The following TENM2 variants were observed in gnomAD, a reference collection of about 807,000 sequenced individuals.
The protein encoded by TENM2 is teneurin-2.
Under a neutral mutation model 245.2 loss-of-function variants are expected in TENM2, and 52 were observed. The ratio of observed to expected loss-of-function variants is 0.21; its 90% CI spans 0.17 to 0.27. The LOEUF (loss-of-function observed/expected upper bound fraction) is 0.27, where lower values mean the gene tolerates loss of function less well. Among genes scored for constraint, TENM2 ranks in the 10% least tolerant of loss-of-function variants. The pLI, the probability that TENM2 is intolerant of heterozygous loss-of-function variation, is 1.00. For synonymous variants in TENM2, 1,363 were observed against 1,438.9 expected (o/e 0.95, Z 1.19); for missense variants, 3,046 against 3,666.8 (o/e 0.83, Z 4.37).
chr5:167,319,848 T>G lies in TENM2; in HGVS notation c.226+34785T>G, dbSNP rs566570809. The stretch of plus-strand genomic sequence containing the variant: ...TGGCTGGAATCAAGGGACCAGTTAG[T>G]ATGTATGATATAACCAGTTGTAATA... On this transcript the variant is annotated intron_variant, in intron 1 of 28. Transcript: ENST00000518659. 8.5e-5 allele frequency among the ~76,000 whole-genome samples: 13 copies of G among 152,322 alleles called. No homozygotes were observed. The East Asian group carries it at 2.5e-3, about 29-fold the overall frequency.
At position 168,191,800 on chromosome 5, in the gene TENM2, G is replaced by A. The variant is rs139157067; in HGVS notation, c.2780+1253G>A. On this transcript the variant is annotated intron_variant, in intron 14 of 28. Coordinates refer to ENST00000518659, the Ensembl canonical transcript of TENM2. ...GAGCCCCTCTCATGAGCCTTTCATC[G>A]GTCCCCAACCGAGACAGCCCAGCGA... Among the ~76,000 whole-genome samples, 18 of 151,942 alleles carry A rather than the reference G, an allele frequency of 1.2e-4. No individual in the cohort carries two copies. In the East Asian group the frequency reaches 3.1e-3, roughly 26 times the overall value.
At chr5:167,659,732 A>G (rs1260645651) in intron 2 of TENM2, among the ~76,000 whole-genome samples, 1 of 151,616 alleles carries the variant, frequency 6.6e-6, no homozygotes, top group African/African-American at 2.4e-5. Flanking sequence ...GATCACAGGG[A>G]AAAAAAAATC....
In TENM2 at chr5:167,497,827, G is replaced by A. The variant is rs560806196; in HGVS notation, c.502+122354G>A. ...TAGTAATTAAATGTTTCCGAATGCC[G>A]GTTGTCCCCTCCGAGAATGAACGTG... On this transcript the variant is annotated intron_variant, in intron 2 of 28. Coordinates refer to ENST00000518659, the Ensembl canonical transcript of TENM2. Among the ~76,000 whole-genome samples, 4 of 151,972 alleles carry A rather than the reference G, an allele frequency of 2.6e-5. No homozygotes were observed. In the South Asian group the frequency reaches 8.3e-4, roughly 32 times the overall value.
intron 3 of TENM2, among the ~76,000 whole-genome samples, chr5:167,922,838 A>G (rs1777472301): frequency 6.6e-6 from 1 of 152,130 alleles, no homozygotes; most frequent in African/African-American, 2.4e-5. Flanking sequence ...ATCCATCAGC[A>G]TTTGTCTTCC....
At chr5:167,929,069 GAAAGAAA>G (rs1561945633) in intron 3 of TENM2, among the ~76,000 whole-genome samples, 8 of 18,834 alleles carry the variant, frequency 4.2e-4, no homozygotes, top group Non-Finnish European at 5.7e-4. Flanking sequence ...GAGAAAGAAA[GAAAGAAA>G]GAAAGAAAGA....
intron 8 of TENM2, among the ~76,000 whole-genome samples, chr5:168,097,605 T>C (rs201181009): frequency 2.0e-3 from 10 of 4,998 alleles, no homozygotes; most frequent in Admixed American, 4.2e-3. Flanking sequence ...TGTGTGTGCG[T>C]GTGTGTGTGT....
chr5:167,271,724 C>A, the TENM2 span, among the ~76,000 whole-genome samples: 63 of 152,200 alleles, frequency 4.1e-4, no homozygotes, highest in African/African-American at 1.4e-3. Context: ...GCTCCAGGGA[C>A]CTTAACAGAT....
chr5:167,171,852 C>T, the TENM2 span, among the ~76,000 whole-genome samples: 1 of 152,156 alleles, frequency 6.6e-6, no homozygotes, highest in African/African-American at 2.4e-5. Flanking sequence ...CTCAGGTTAG[C>T]TTCCGGCCAC....
intron 2 of TENM2, among the ~76,000 whole-genome samples, chr5:167,400,312 A>G (rs984450534): frequency 6.6e-6 from 1 of 152,020 alleles, no homozygotes; most frequent in African/African-American, 2.4e-5. Flanking sequence ...GGGATTAGCA[A>G]CTGGTCCAAG....
the TENM2 span, among the ~76,000 whole-genome samples, chr5:167,202,714 T>C: frequency 1.3e-5 from 2 of 152,052 alleles, no homozygotes; most frequent in Non-Finnish European, 2.9e-5. Context: ...TTACCCCAAA[T>C]CAGGACATCT....
intron 3 of TENM2, among the ~76,000 whole-genome samples, chr5:167,936,385 C>T (rs1049415002): frequency 5.9e-5 from 9 of 152,146 alleles, no homozygotes; most frequent in Admixed American, 5.2e-4. Flanking sequence ...AAACGATTAA[C>T]GATATGCCAA....
the TENM2 span, among the ~76,000 whole-genome samples, chr5:167,134,670 T>C: frequency 1.3e-5 from 2 of 152,190 alleles, no homozygotes; most frequent in African/African-American, 4.8e-5. Context: ...TATTCAGCTT[T>C]CTCTGACCCA....
At chr5:167,723,235 G>C (rs1759757148) in intron 2 of TENM2, among the ~76,000 whole-genome samples, 1 of 152,098 alleles carries the variant, frequency 6.6e-6, no homozygotes, top group Non-Finnish European at 1.5e-5. Flanking sequence ...TCCTTGCATG[G>C]TGACTTTCCT....
chr5:168,257,919 C>T (rs1292506457), intron 27 of TENM2, among the ~76,000 whole-genome samples: 1 of 152,092 alleles, frequency 6.6e-6, no homozygotes, highest in Non-Finnish European at 1.5e-5. Context: ...CGGCCAGCTC[C>T]TGATTGAAAG....
At chr5:167,229,515 G>T in the TENM2 span, among the ~76,000 whole-genome samples, 2 of 152,216 alleles carry the variant, frequency 1.3e-5, no homozygotes, top group Non-Finnish European at 2.9e-5. Flanking sequence ...GATGTTGAGG[G>T]TAATGGCTGA....
At chr5:167,701,622 T>C (rs1289704536) in intron 2 of TENM2, among the ~76,000 whole-genome samples, 2 of 152,078 alleles carry the variant, frequency 1.3e-5, no homozygotes, top group South Asian at 4.1e-4. Flanking sequence ...ACTTGAAAAA[T>C]AGGAAGGATA....
At chr5:167,489,337 C>A (rs1220880730) in intron 2 of TENM2, among the ~76,000 whole-genome samples, 1 of 152,128 alleles carries the variant, frequency 6.6e-6, no homozygotes, top group African/African-American at 2.4e-5. Flanking sequence ...TACTGGCCCC[C>A]TTGCTGGTTC....
chr5:167,152,879 G>A, the TENM2 span, among the ~76,000 whole-genome samples: 18 of 152,136 alleles, frequency 1.2e-4, no homozygotes, highest in African/African-American at 3.6e-4. Context: ...AATTTTTCAC[G>A]TAGTATTTTT....
chr5:167,673,958 G>A (rs755976563), intron 2 of TENM2, among the ~76,000 whole-genome samples: 16 of 152,110 alleles, frequency 1.1e-4, no homozygotes, highest in Non-Finnish European at 2.4e-4. Context: ...GAGAGGCTGT[G>A]TAGAATAACT....
Sources: allele counts gnomAD v4.1 joint callset (sites outside exome capture counted in the v4.1 genomes callset), GRCh38; gene constraint gnomAD v4.1.1; transcripts MANE v1.5; gene names NCBI Gene and HGNC (gene_info 2026-07-23, HGNC 2026-07-21).